The following MEF2A variants were observed in gnomAD, a reference collection of about 807,000 sequenced individuals.
The protein encoded by MEF2A is myocyte enhancer factor 2A.
A neutral mutation model predicts 55.8 loss-of-function variants in MEF2A; 28 were observed. The ratio of observed to expected loss-of-function variants is 0.50; its 90% CI spans 0.37 to 0.69. MEF2A has a LOEUF of 0.69. Among genes scored for constraint, MEF2A ranks in the 30% least tolerant of loss-of-function variants. The probability of loss-of-function intolerance (pLI) is 0.00; values close to 1 mark genes in which losing one functional copy is unlikely to be tolerated. For missense variants in MEF2A, 528 were observed against 626.2 expected (o/e 0.84, Z 1.67); for synonymous variants, 239 against 227.1 (o/e 1.05, Z -0.47).
At chr15:99,602,268 G>T (rs1431923970) in intron 2 of MEF2A, among the ~76,000 whole-genome samples, 1 of 152,138 alleles carries the variant, frequency 6.6e-6, no homozygotes. Flanking sequence ...TACTTCTGGG[G>T]TCTTGTGTCC....
chr15:99,693,535 G>A (rs1279670113), intron 8 of MEF2A, among the ~76,000 whole-genome samples: 3 of 152,218 alleles, frequency 2.0e-5, no homozygotes, highest in East Asian at 3.9e-4. Context: ...CAAAGATAAG[G>A]ATTAGTAACA....
At chr15:99,678,541 ATT>A (rs2052564599) in intron 7 of MEF2A, 1 of 537,786 alleles carries the variant, frequency 1.9e-6, no homozygotes, top group Non-Finnish European at 2.4e-6. Context: ...CAATATTGTC[ATT>A]TTCAAATACG....
At chr15:99,627,133 G>A (rs1047179000) in intron 2 of MEF2A, among the ~76,000 whole-genome samples, 1 of 152,090 alleles carries the variant, frequency 6.6e-6, no homozygotes, top group South Asian at 2.1e-4. Context: ...GGAGCCAAAA[G>A]GAGGTGAGGG....
chr15:99,707,309 G>A (rs923941291), intron 10 of MEF2A, among the ~76,000 whole-genome samples: 2 of 152,128 alleles, frequency 1.3e-5, no homozygotes, highest in African/African-American at 4.8e-5. Flanking sequence ...GGAGGTGGCC[G>A]ACGTTTGGCT....
chr15:99,581,380 T>G (rs370148132), intron 1 of MEF2A, among the ~76,000 whole-genome samples: 1 of 152,168 alleles, frequency 6.6e-6, no homozygotes, highest in East Asian at 1.9e-4. Flanking sequence ...TCTATGCCCA[T>G]GTGTCTGTCA....
chr15:99,588,195 C>T (rs964923487), intron 1 of MEF2A, among the ~76,000 whole-genome samples: 2 of 151,974 alleles, frequency 1.3e-5, no homozygotes, highest in Non-Finnish European at 2.9e-5. Context: ...TGGCTCACTG[C>T]AGCCTCGACT....
rs1381649060 is a variant in MEF2A at position 99,700,183 on chromosome 15, T to TAC, written c.859-3178_859-3177insCA. 2.8e-3 allele frequency among the ~76,000 whole-genome samples: 130 copies of TAC among 46,528 alleles called. 2 individuals carry two copies. Among genetic ancestry groups the TAC allele is most frequent in the East Asian group, 9.0e-3 (8 of 888 alleles). 30.5% of individuals were successfully genotyped at this position (46,528 alleles called of 152,430 possible). A position where few individuals can be genotyped will look rare whatever the true frequency, so the allele number is the denominator to read the frequency against. On this transcript the variant is annotated intron_variant, in intron 8 of 11. Transcript: ENST00000557942. ...AGACACATACGTATATATGTGTGTATATATACACACACACACACACACACA... is the reference window on the plus strand; with the variant it reads ...AGACACATACGTATATATGTGTGTATACATATACACACACACACACACACACA...
At chr15:99,571,195 AAACAAC>A (rs953043245) in intron 1 of MEF2A, among the ~76,000 whole-genome samples, 10 of 151,222 alleles carry the variant, frequency 6.6e-5, no homozygotes, top group Non-Finnish European at 1.3e-4. Context: ...AAAAAAAAAA[AAACAAC>A]AACAACAACA....
chr15:99,693,340 G>C lies in MEF2A; in HGVS notation c.858+2912G>C, dbSNP rs141911970. Among the ~76,000 whole-genome samples the C allele has an allele frequency of 1.3e-3, 197 of 152,200 alleles. 2 individuals are homozygous for C. The highest frequency in any genetic ancestry group is 8.5e-3 in the Admixed American group (130 of 15,280). ...TAATTGGACTTCCAAAAAGAGAAGA[G>C]AGAACAGATTAGGAGTAATATTTTA... On this transcript the variant is annotated intron_variant, in intron 8 of 11. Coordinates refer to ENST00000557942, the MANE Select transcript of MEF2A (RefSeq NM_001319206.4).
chr15:99,613,350 A>T (rs2039631319), intron 2 of MEF2A, among the ~76,000 whole-genome samples: 1 of 152,194 alleles, frequency 6.6e-6, no homozygotes, highest in African/African-American at 2.4e-5. Flanking sequence ...TTATTGATCC[A>T]TTTATTGAAC....
At chr15:99,644,268 A>G (rs534418882) in intron 3 of MEF2A, among the ~76,000 whole-genome samples, 2 of 152,346 alleles carry the variant, frequency 1.3e-5, no homozygotes, top group South Asian at 2.1e-4. Flanking sequence ...ATAGGGAGAA[A>G]ACAGATACTC....
intron 1 of MEF2A, among the ~76,000 whole-genome samples, chr15:99,591,062 G>A (rs1327544833): frequency 1.3e-5 from 2 of 152,040 alleles, no homozygotes; most frequent in South Asian, 2.1e-4. Flanking sequence ...GTTCCCTCTT[G>A]TATTGGTGTG....
intron 7 of MEF2A, among the ~76,000 whole-genome samples, chr15:99,687,275 T>C (rs2054467969): frequency 6.6e-6 from 1 of 151,866 alleles, no homozygotes; most frequent in East Asian, 1.9e-4. Context: ...CAGGATGAGA[T>C]TATTAGGACG....
chr15:99,698,592 A>G (rs2056868690), intron 8 of MEF2A, among the ~76,000 whole-genome samples: 1 of 152,106 alleles, frequency 6.6e-6, no homozygotes, highest in South Asian at 2.1e-4. Flanking sequence ...TGGGAGTTCG[A>G]GACCAGCCTG....
intron 3 of MEF2A, among the ~76,000 whole-genome samples, chr15:99,642,742 T>C (rs952046983): frequency 3.9e-5 from 6 of 152,238 alleles, no homozygotes; most frequent in Non-Finnish European, 8.8e-5. Context: ...TTCTGATACT[T>C]GTGAATCTTG....
chr15:99,680,347 C>CA lies in MEF2A; in HGVS notation c.670+4898dup, dbSNP rs528632189. The stretch of plus-strand genomic sequence containing the variant: ...ATTCATGAAATTCAAATTAAAATGA[C>CA]AAAAAAAAATACTACTCTTACTTAC... On this transcript the variant is annotated intron_variant, in intron 7 of 11. Transcript: ENST00000557942. 9.8e-3 allele frequency among the ~76,000 whole-genome samples: 1,478 copies of CA among 150,426 alleles called. 22 individuals are homozygous for CA. Among genetic ancestry groups the CA allele is most frequent in the African/African-American group, 0.033 (1,373 of 41,052 alleles).
rs1491180158 is a variant in MEF2A, at chr15:99,697,459, TTA to T, written c.859-5902_859-5901del. Among the ~76,000 whole-genome samples, 457 of 141,876 alleles carry T rather than the reference TTA, an allele frequency of 3.2e-3. 4 individuals are homozygous for T. The highest frequency in any genetic ancestry group is 0.011 in the African/African-American group (426 of 38,514). 93.1% of individuals were successfully genotyped at this position (141,876 alleles called of 152,430 possible). A position where few individuals can be genotyped will look rare whatever the true frequency, so the allele number is the denominator to read the frequency against. ...GCAGTGAACAATTGGAGTTTGAAAT[TTA>T]AAAAAAAAAATGATAACACCCCAAA... On this transcript the variant is annotated intron_variant, in intron 8 of 11. Coordinates refer to ENST00000557942, the MANE Select transcript of MEF2A (RefSeq NM_001319206.4).
intron 1 of MEF2A, among the ~76,000 whole-genome samples, chr15:99,594,723 T>C (rs995069457): frequency 6.6e-5 from 10 of 152,190 alleles, no homozygotes; most frequent in African/African-American, 2.2e-4. Flanking sequence ...AAACCAAATA[T>C]GTATTTCTTA....
intron 7 of MEF2A, among the ~76,000 whole-genome samples, chr15:99,677,095 T>C (rs1314196811): frequency 6.6e-6 from 1 of 151,956 alleles, no homozygotes; most frequent in Admixed American, 6.6e-5. Flanking sequence ...CACTCCAGCC[T>C]GTGCGACAAG....
Sources: gnomAD v4.1 joint callset for allele counts (sites outside exome capture counted in the v4.1 genomes callset) on GRCh38, gnomAD v4.1.1 for gene constraint, MANE v1.5 for transcripts, NCBI Gene and HGNC (gene_info 2026-07-23, HGNC 2026-07-21) for gene names.